The following TMC5 variants were observed in gnomAD, a reference collection of about 807,000 sequenced individuals.
The protein encoded by TMC5 is transmembrane channel like 5.
TMC5 carries 86 observed loss-of-function variants against 110.5 expected under a neutral mutation model. The ratio of observed to expected loss-of-function variants is 0.78; its 90% confidence interval spans 0.65 to 0.93. TMC5 has a LOEUF of 0.93. Ranked by LOEUF, TMC5 falls within the 40% of genes least tolerant of loss-of-function variation. The pLI is 0.00. For synonymous variants in TMC5, 455 were observed against 439.5 expected, an observed-to-expected ratio of 1.04 and a Z score of -0.44; for missense variants, 1,144 against 1,222.8, an observed-to-expected ratio of 0.94 and a Z score of 0.96.
At chr16:19,493,676 GTCTCAAACTCC>G (rs1198816946) in intron 19 of TMC5, among the ~76,000 whole-genome samples, 13 of 152,030 alleles carry the variant, frequency 8.6e-5, no homozygotes, top group African/African-American at 2.9e-4. Context: ...GACTAGGCTG[GTCTCAAACTCC>G]TGACCTCAAG....
chr16:19,477,175 G>T (rs563181582), intron 12 of TMC5: 40 of 296,066 alleles, frequency 1.4e-4, no homozygotes, highest in African/African-American at 9.2e-4. Context: ...GTGAACCTGG[G>T]AGGCGGATCT....
rs1969121025 is a variant in TMC5 at position 19,498,864 on chromosome 16, C to G, written c.*898C>G. On this transcript the variant is annotated 3_prime_UTR_variant, in exon 22 of 22. Transcript: ENST00000542583. ...TCACTTAATGTCAGGAGTTCAAGACCAGCCTGGCCAACATGGTGAAACCCC... is the reference window on the plus strand; with the variant it reads ...TCACTTAATGTCAGGAGTTCAAGACGAGCCTGGCCAACATGGTGAAACCCC... 2 of 152,050 alleles carry G rather than the reference C, an allele frequency of 1.3e-5. No individual in the cohort carries two copies. The highest frequency in any genetic ancestry group is 2.9e-5 in the Non-Finnish European group (2 of 68,032). 9.4% of individuals were successfully genotyped at this position (152,050 alleles called of 1,614,324 possible).
Position 19,497,965 on chromosome 16 carries a change from G to A in TMC5, c.3020G>A (p.Ter1007=), listed in dbSNP as rs181234197. 3.1e-6 allele frequency: 5 copies of A among 1,614,016 alleles called. No homozygotes were observed. The East Asian group carries it at 1.1e-4, about 36-fold the overall frequency. The part of the protein sequence containing the change: ...RSVQEGNPRA[*] Reference sequence around the variant, plus strand: ...GTTCAAGAAGGTAATCCAAGGGCCTGATGACTCTTTTGGTAACCAGACACC... The same window carrying A: ...GTTCAAGAAGGTAATCCAAGGGCCTAATGACTCTTTTGGTAACCAGACACC... Residue 1007 remains the stop codon, a stop_retained_variant, in exon 22 of 22, where the codon TGA becomes TAA. Transcript: ENST00000542583.
At chr16:19,436,492 G>A (rs1967353259) in intron 2 of TMC5, among the ~76,000 whole-genome samples, 1 of 152,078 alleles carries the variant, frequency 6.6e-6, no homozygotes, top group Non-Finnish European at 1.5e-5. Flanking sequence ...TCTAGTCTTA[G>A]AATACAAGTA....
chr16:19,463,184 T>A (rs1968072145), intron 6 of TMC5, 96 bp from the exon 7 acceptor site: 2 of 917,480 alleles, frequency 2.2e-6, no homozygotes, highest in Non-Finnish European at 3.5e-6. Context: ...GCTTCCGAAG[T>A]GTTGGGATTA....
Position 19,465,558 on chromosome 16 carries a change from CCCCAG to C in TMC5, c.1486-515_1486-511del, listed in dbSNP as rs1968167122. ...AAATAAATAAATAAATAAATAATCT[CCCCAG>C]CCCAGCCCCTTTTTTCTTGACATTG... is the stretch of plus-strand genomic sequence containing the variant. On this transcript the variant is annotated intron_variant, in intron 8 of 21. Transcript: ENST00000542583. 2.0e-5 allele frequency among the ~76,000 whole-genome samples: 3 copies of C among 151,580 alleles called. No individual in the cohort carries two copies. In the South Asian group the frequency reaches 6.3e-4, roughly 32 times the overall value.
intron 19 of TMC5, among the ~76,000 whole-genome samples, chr16:19,493,465 C>CTCTGTCTTTT (rs71375644): frequency 1.3e-5 from 1 of 74,788 alleles, no homozygotes; most frequent in Non-Finnish European, 3.9e-5. Flanking sequence ...CTCTCTCTCT[C>CTCTGTCTTTT]TTTTTTTTTT....
chr16:19,463,675 A>G, intron 7 of TMC5, 101 bp from the exon 8 acceptor site: 1 of 1,412,756 alleles, frequency 7.1e-7, no homozygotes, highest in Non-Finnish European at 9.7e-7. Context: ...GCACTTAACA[A>G]TACTCCAGAC....
intron 9 of TMC5, among the ~76,000 whole-genome samples, chr16:19,467,669 A>G (rs961762618): frequency 2.0e-5 from 3 of 151,958 alleles, no homozygotes; most frequent in African/African-American, 7.2e-5. Context: ...TTTATTAGAA[A>G]CGGGGTTTCA....
intron 5 of TMC5, 126 bp from the exon 6 acceptor site, chr16:19,460,109 T>A: frequency 1.7e-6 from 1 of 578,224 alleles, no homozygotes. Context: ...TCCTTTGTGA[T>A]CTTTGAGATC....
In TMC5 at chr16:19,440,051, T is replaced by G. The variant is rs746959377; in HGVS notation, c.13T>G (p.Tyr5Asp). Reference sequence around the variant, plus strand: ...AGTCCATACCAACATGTCTGCCTACTACAGGAATAACTGGTCTGAGGAAGA... The same window carrying G: ...AGTCCATACCAACATGTCTGCCTACGACAGGAATAACTGGTCTGAGGAAGA... MSAY[Y>D]RNNWSEEDPD... is the part of the protein sequence containing the mutation. The change falls in exon 3 of 22, where the codon TAC becomes GAC. Residue 5 changes from tyrosine (Y) to aspartate (D), a missense_variant. Coordinates refer to ENST00000542583, the MANE Select transcript of TMC5 (RefSeq NM_001261841.2). 2 of 1,613,442 alleles carry G rather than the reference T, an allele frequency of 1.2e-6. No individual in the cohort carries two copies. Among genetic ancestry groups the G allele is most frequent in the Non-Finnish European group, 1.7e-6 (2 of 1,179,670 alleles).
intron 9 of TMC5, among the ~76,000 whole-genome samples, chr16:19,467,777 C>G (rs899971722): frequency 4.6e-5 from 7 of 152,052 alleles, no homozygotes; most frequent in African/African-American, 1.7e-4. Context: ...CCACTGCGCC[C>G]GGCCTGTAAT....
chr16:19,420,497 G>A (rs2143349587), intron 1 of TMC5, among the ~76,000 whole-genome samples: 1 of 151,594 alleles, frequency 6.6e-6, no homozygotes, highest in Middle Eastern at 3.4e-3. Flanking sequence ...GTTTCACTCT[G>A]TCCCCCAGGC....
chr16:19,466,496 C>T (rs577447690), intron 9 of TMC5, among the ~76,000 whole-genome samples: 1 of 152,222 alleles, frequency 6.6e-6, no homozygotes, highest in South Asian at 2.1e-4. Context: ...GGATTACAGG[C>T]ACCTGCCACC....
At chr16:19,481,680 G>A (rs564028970) in intron 15 of TMC5, among the ~76,000 whole-genome samples, 3 of 152,294 alleles carry the variant, frequency 2.0e-5, no homozygotes, top group African/African-American at 4.8e-5. Context: ...AGCAGGGATC[G>A]CAACCTGGAA....
intron 4 of TMC5, among the ~76,000 whole-genome samples, chr16:19,448,346 G>A (rs985712065): frequency 2.0e-5 from 3 of 151,492 alleles, no homozygotes; most frequent in African/African-American, 7.3e-5. Context: ...TGGGCTCCAT[G>A]ACTCAAGCCT....
chr16:19,472,576 T>C (rs1385285393), intron 11 of TMC5, among the ~76,000 whole-genome samples: 1 of 152,192 alleles, frequency 6.6e-6, no homozygotes, highest in Non-Finnish European at 1.5e-5. Context: ...TGGTCATTCA[T>C]TGGTGACTAC....
chr16:19,442,201 C>T (rs1277517888), intron 3 of TMC5, among the ~76,000 whole-genome samples: 1 of 152,124 alleles, frequency 6.6e-6, no homozygotes, highest in East Asian at 1.9e-4. Context: ...AATTTTTGTT[C>T]CTTGACAAAT....
intron 13 of TMC5, 27 bp downstream of exon 13, chr16:19,477,545 A>C: frequency 6.5e-7 from 1 of 1,546,444 alleles, no homozygotes; most frequent in South Asian, 1.2e-5. Context: ...CTCTGCCTTA[A>C]GTTTGGTTTC....
Sources: gnomAD v4.1 joint callset for allele counts (sites outside exome capture counted in the v4.1 genomes callset) on GRCh38, gnomAD v4.1.1 for gene constraint, MANE v1.5 for transcripts, NCBI Gene and HGNC (gene_info 2026-07-23, HGNC 2026-07-21) for gene names.